Variants in RALGAPA2 observed in about 807,000 individuals in gnomAD.
The protein encoded by RALGAPA2 is ral GTPase-activating protein subunit alpha-2.
A neutral mutation model predicts 230.4 loss-of-function variants in RALGAPA2; 139 were observed. That is an observed-to-expected ratio of 0.60 (90% CI 0.53 to 0.69). The LOEUF (loss-of-function observed/expected upper bound fraction) is 0.69. Ranked by LOEUF, RALGAPA2 falls within the 30% of genes least tolerant of loss-of-function variation. The probability of loss-of-function intolerance (pLI) is 0.00; values close to 1 mark genes in which losing one functional copy is unlikely to be tolerated. For synonymous variants in RALGAPA2, 847 were observed against 837.8 expected, an observed-to-expected ratio of 1.01 and a Z score of -0.19; for missense variants, 2,163 against 2,276.0, an observed-to-expected ratio of 0.95 and a Z score of 1.01.
chr20:20,494,317 T>C (rs535262337), intron 36 of RALGAPA2, among the ~76,000 whole-genome samples: 1 of 152,318 alleles, frequency 6.6e-6, no homozygotes. Flanking sequence ...ATACATACTA[T>C]CAAGCTGAAA....
intron 23 of RALGAPA2, among the ~76,000 whole-genome samples, chr20:20,569,913 G>A (rs905022140): frequency 3.9e-5 from 6 of 151,926 alleles, no homozygotes; most frequent in Non-Finnish European, 8.8e-5. Flanking sequence ...TTTAAAGTAG[G>A]GTATTGTTAA....
intron 24 of RALGAPA2, among the ~76,000 whole-genome samples, chr20:20,539,631 TGAGATCTACTCTCTTA>T (rs2063589264): frequency 6.6e-6 from 1 of 151,898 alleles, no homozygotes; most frequent in Non-Finnish European, 1.5e-5. Flanking sequence ...TGTGAACACT[TGAGATCTACTCTCTTA>T]GCAAATTTCA....
intron 9 of RALGAPA2, among the ~76,000 whole-genome samples, chr20:20,633,769 T>A (rs992275307): frequency 6.6e-6 from 1 of 152,184 alleles, no homozygotes; most frequent in African/African-American, 2.4e-5. Context: ...TGAGCCACCG[T>A]GCCCAGCCTA....
chr20:20,677,701 T>C (rs2068383184), intron 2 of RALGAPA2, among the ~76,000 whole-genome samples: 1 of 133,630 alleles, frequency 7.5e-6, no homozygotes, highest in Non-Finnish European at 1.5e-5. Flanking sequence ...TGGAGTGCAG[T>C]GGCGCGATCT....
In RALGAPA2 at chr20:20,517,346, C is replaced by T. The variant is rs115094764; in HGVS notation, c.4084+3571G>A. ...GCCTGACAGGGGAGGTGGATTAGTT[C>T]CCAATCTTCACCCTGATAAAACTCA... On this transcript the variant is annotated intron_variant, in intron 31 of 39. Transcript: ENST00000202677. Among the ~76,000 whole-genome samples, 746 of 152,252 alleles carry T rather than the reference C, an allele frequency of 4.9e-3. 5 individuals carry two copies. Among genetic ancestry groups the T allele is most frequent in the African/African-American group, 0.017 (711 of 41,516 alleles).
chr20:20,635,847 G>C (rs1275491812), intron 8 of RALGAPA2, among the ~76,000 whole-genome samples: 1 of 152,078 alleles, frequency 6.6e-6, no homozygotes, highest in Non-Finnish European at 1.5e-5. Context: ...ATGTATCTAT[G>C]ATATACAGCT....
Position 20,391,493 on chromosome 20 carries a change from A to G in RALGAPA2, c.*1796T>C, listed in dbSNP as rs540487941. 1 of 152,328 alleles carries G rather than the reference A, an allele frequency of 6.6e-6. No individual in the cohort carries two copies. Among genetic ancestry groups the G allele is most frequent in the African/African-American group, 2.4e-5 (1 of 41,552 alleles). The allele number at this position is 152,328 out of a possible 1,614,324, so 9.4% of individuals were successfully genotyped here. On this transcript the variant is annotated 3_prime_UTR_variant, in exon 40 of 40. Transcript: ENST00000202677. Reference sequence around the variant, plus strand: ...CAGTGGGCCTGGCCTGCAATCCCCTATAAAGCAGAAAAGCAAATTCTCGCC... The same window carrying G: ...CAGTGGGCCTGGCCTGCAATCCCCTGTAAAGCAGAAAAGCAAATTCTCGCC...
chr20:20,457,772 G>C (rs1356558215), intron 37 of RALGAPA2, among the ~76,000 whole-genome samples: 1 of 152,234 alleles, frequency 6.6e-6, no homozygotes, highest in Non-Finnish European at 1.5e-5. Context: ...CATAGTAACT[G>C]AGAGGGTGAT....
intron 24 of RALGAPA2, among the ~76,000 whole-genome samples, chr20:20,546,374 A>G (rs2145711379): frequency 6.6e-6 from 1 of 152,340 alleles, no homozygotes; most frequent in Admixed American, 6.5e-5. Context: ...AAAACTCTCT[A>G]TTTTAGACAT....
Position 20,653,064 on chromosome 20 carries a change from C to T in RALGAPA2, c.328+466G>A, listed in dbSNP as rs1430656719. Among the ~76,000 whole-genome samples, 10 of 151,654 alleles carry T rather than the reference C, an allele frequency of 6.6e-5. No individual in the cohort carries two copies. The East Asian group carries it at 7.8e-4, about 12-fold the overall frequency. On this transcript the variant is annotated intron_variant, in intron 4 of 39. Transcript: ENST00000202677. ...AAAAAAAATTAGCCGGGCATGGTGG[C>T]GCATGCCTGTAATCCCAGCTACTCT... is the stretch of plus-strand genomic sequence containing the variant.
chr20:20,668,756 G>A (rs2068040526), intron 3 of RALGAPA2, among the ~76,000 whole-genome samples: 1 of 152,210 alleles, frequency 6.6e-6, no homozygotes, highest in African/African-American at 2.4e-5. Flanking sequence ...GCCAGATGGG[G>A]AGAAGAGCTA....
chr20:20,712,547 T>C lies in RALGAPA2; in HGVS notation c.-67A>G, dbSNP rs1445454456. The C allele has an allele frequency of 3.4e-6, 5 of 1,452,422 alleles. No individual in the cohort carries two copies. In the South Asian group the frequency reaches 4.1e-5, roughly 12 times the overall value. 90.0% of individuals were successfully genotyped at this position (1,452,422 alleles called of 1,614,324 possible). A position where few individuals can be genotyped will look rare whatever the true frequency, so the allele number is the denominator to read the frequency against. On this transcript the variant is annotated 5_prime_UTR_variant, in exon 1 of 40. An upstream start codon of the reference 5' UTR is lost. Transcript: ENST00000202677. The surrounding 1 kb of genome is among the most constrained non-coding windows in gnomAD (Gnocchi z 5.5). ...CGCCTGCGCCACGCGAATCAAAGCA[T>C]AGGGTCGAGGCCGGCGCGTGTCGCG...
At chr20:20,544,496 C>T (rs2063730054) in intron 24 of RALGAPA2, among the ~76,000 whole-genome samples, 1 of 152,034 alleles carries the variant, frequency 6.6e-6, no homozygotes. Context: ...TACCATTTGA[C>T]CCAGCAATCC....
At chr20:20,664,600 G>T (rs1037627567) in intron 3 of RALGAPA2, among the ~76,000 whole-genome samples, 6 of 152,072 alleles carry the variant, frequency 3.9e-5, no homozygotes, top group Non-Finnish European at 8.8e-5. Flanking sequence ...TTCATTTCAT[G>T]CAAGTTTCTA....
chr20:20,595,693 C>T (rs1372301240), intron 16 of RALGAPA2, among the ~76,000 whole-genome samples: 1 of 152,142 alleles, frequency 6.6e-6, no homozygotes. Context: ...GTGGCTCACA[C>T]CTGTAATTCC....
chr20:20,595,374 T>C (rs771682333), intron 16 of RALGAPA2, among the ~76,000 whole-genome samples: 2 of 152,182 alleles, frequency 1.3e-5, no homozygotes, highest in South Asian at 2.1e-4. Context: ...ATAAAAAGCA[T>C]AGGAAATGCA....
At chr20:20,684,857 TTAACACA>T (rs1166809816) in intron 1 of RALGAPA2, among the ~76,000 whole-genome samples, 1 of 152,234 alleles carries the variant, frequency 6.6e-6, no homozygotes, top group African/African-American at 2.4e-5. Context: ...AGAAAGGTAC[TTAACACA>T]TTTGTTAAAT....
At chr20:20,413,363 G>T (rs2060101549) in intron 37 of RALGAPA2, among the ~76,000 whole-genome samples, 1 of 152,280 alleles carries the variant, frequency 6.6e-6, no homozygotes, top group South Asian at 2.1e-4. Flanking sequence ...ATGGCAAAGT[G>T]TGCACACCGA....
At chr20:20,559,383 C>T (rs1602791234) in intron 23 of RALGAPA2, among the ~76,000 whole-genome samples, 1 of 151,994 alleles carries the variant, frequency 6.6e-6, no homozygotes, top group Non-Finnish European at 1.5e-5. Flanking sequence ...TTTGAGAGAA[C>T]AATCCCAACG....
Sources: allele counts gnomAD v4.1 joint callset (sites outside exome capture counted in the v4.1 genomes callset), GRCh38; gene constraint gnomAD v4.1.1; non-coding constraint Gnocchi (gnomAD v3.1); transcripts MANE v1.5; gene names NCBI Gene and HGNC (gene_info 2026-07-23, HGNC 2026-07-21).